The following TMEM67 variants were observed in gnomAD, a reference collection of about 807,000 sequenced individuals.
TMEM67 encodes transmembrane protein 67.
Under a neutral mutation model 136.6 loss-of-function variants are expected in TMEM67, and 124 were observed. That is an observed-to-expected ratio of 0.91 (90% CI 0.78 to 1.05). The LOEUF is 1.05. TMEM67 is among the 50% of genes least tolerant of loss of function. The pLI is 0.00. For missense variants in TMEM67, 1,107 were observed against 1,178.4 expected (o/e 0.94, Z 0.89); for synonymous variants, 364 against 390.5 (o/e 0.93, Z 0.80).
At chr8:93,825,549 A>G in the TMEM67 span, among the ~76,000 whole-genome samples, 4 of 152,184 alleles carry the variant, frequency 2.6e-5, no homozygotes, top group Admixed American at 6.6e-5. Flanking sequence ...TGAGATGCCC[A>G]TGAAGCATAA....
chr8:93,824,711 T>G, the TMEM67 span, among the ~76,000 whole-genome samples: 46 of 152,230 alleles, frequency 3.0e-4, no homozygotes, highest in Middle Eastern at 3.4e-3. Flanking sequence ...TCTCTTTTTT[T>G]GTTGTTTTTG....
rs1363525509 is a variant in TMEM67, at chr8:93,755,873, A to G, written c.312+7A>G. 3.3e-6 allele frequency: 5 copies of G among 1,522,068 alleles called. No homozygotes were observed. The highest frequency in any genetic ancestry group is 1.7e-5 in the Admixed American group (1 of 58,422). 94.3% of individuals were successfully genotyped at this position (1,522,068 alleles called of 1,614,324 possible). ...AAAGTGCCCAGAAAACATGGTGCGC[A>G]TAATTTATTTTAAAATAACTTACCT... On this transcript the variant is annotated splice_region_variant and intron_variant, in intron 2 of 27. Transcript: ENST00000453321.
intron 14 of TMEM67, among the ~76,000 whole-genome samples, chr8:93,790,032 T>C (rs1453980427): frequency 1.3e-5 from 2 of 151,878 alleles, no homozygotes; most frequent in East Asian, 3.9e-4. Context: ...AAACCAAGAT[T>C]GCACCACTGC....
chr8:93,764,449 A>G (rs1812990872), intron 4 of TMEM67, among the ~76,000 whole-genome samples: 1 of 152,124 alleles, frequency 6.6e-6, no homozygotes, highest in Non-Finnish European at 1.5e-5. Context: ...ACCCTGATTT[A>G]TAGTCCCATT....
chr8:93,803,481 G>A (rs1186567517), intron 21 of TMEM67, 123 bp from the exon 22 acceptor site: 1 of 631,244 alleles, frequency 1.6e-6, no homozygotes, highest in Non-Finnish European at 2.9e-6. Context: ...TATCACATAG[G>A]AACTGTTAAA....
rs767820112 is a variant in TMEM67, at chr8:93,795,963, T to C, written c.1836T>C (p.Tyr612=). Residue 612 remains tyrosine, a synonymous_variant, in exon 18 of 28, where the codon TAT becomes TAC. Coordinates refer to ENST00000453321, the MANE Select transcript of TMEM67 (RefSeq NM_153704.6). ...MPIQEERFVT[Y]VGCAFALKAL... is the part of the protein sequence containing the mutation. ...TTCAGGAAGAACGTTTTGTCACTTA[T>C]GTTGGATGTGCCTTTGCTCTGAAGG... The C allele has an allele frequency of 7.4e-6, 12 of 1,613,352 alleles. No homozygotes were observed. Among genetic ancestry groups the C allele is most frequent in the South Asian group, 2.2e-5 (2 of 91,050 alleles).
intron 18 of TMEM67, among the ~76,000 whole-genome samples, chr8:93,796,627 G>A (rs114820738): frequency 1.6e-3 from 244 of 152,170 alleles, no homozygotes; most frequent in African/African-American, 5.5e-3. Flanking sequence ...CATATTGCTT[G>A]TATAAATAAG....
At chr8:93,776,521 G>A (rs991245958) in intron 7 of TMEM67, among the ~76,000 whole-genome samples, 2 of 152,140 alleles carry the variant, frequency 1.3e-5, no homozygotes, top group African/African-American at 2.4e-5. Flanking sequence ...TTTGAGATAT[G>A]TTCCATCAAT....
At chr8:93,754,878 G>C (rs746327488), upstream of TMEM67, 3 of 1,591,092 alleles carry the variant, frequency 1.9e-6, no homozygotes, top group Non-Finnish European at 8.6e-7. Context: ...GAGGCTGATG[G>C]GGGGCTGGAG....
intron 27 of TMEM67, 140 bp downstream of exon 27, chr8:93,815,587 C>A (rs969675883): frequency 6.6e-6 from 5 of 763,308 alleles, no homozygotes; most frequent in Non-Finnish European, 1.1e-5. Context: ...CTAACCCCAC[C>A]AAAAGAAGGA....
intron 3 of TMEM67, 75 bp from the exon 4 acceptor site, chr8:93,763,767 A>C (rs776927577): frequency 3.0e-6 from 3 of 1,011,314 alleles, no homozygotes; most frequent in East Asian, 2.5e-5. Context: ...GGGTTTTGTT[A>C]AATATTTTCT....
rs863225234 is a variant in TMEM67 at position 93,808,922 on chromosome 8, A to C, written c.2522A>C (p.Gln841Pro). The C allele has an allele frequency of 2.5e-5, 41 of 1,611,930 alleles. No homozygotes were observed. Among genetic ancestry groups the C allele is most frequent in the Non-Finnish European group, 3.3e-5 (39 of 1,178,180 alleles). Reference sequence around the variant, plus strand: ...ATTGCAATTTCTAACCAGATGAGACAACATTATGACAGAATTCATGAGACA... The same window carrying C: ...ATTGCAATTTCTAACCAGATGAGACCACATTATGACAGAATTCATGAGACA... Reference protein sequence around the residue: ...FEIAISNQMRQHYDRIHETLI... With the variant: ...FEIAISNQMRPHYDRIHETLI... Residue 841 changes from glutamine to proline, a missense_variant, in exon 24 of 28, where the codon CAA becomes CCA. Gln to Pro is a moderately conservative substitution (Grantham distance 76). This residue lies in a region of TMEM67 where 925 missense variants were observed against 1,002.4 expected (regional missense o/e 0.92). Coordinates refer to ENST00000453321, the MANE Select transcript of TMEM67 (RefSeq NM_153704.6).
At chr8:93,818,991 G>C (rs755535455), downstream of TMEM67, 2 of 418,844 alleles carry the variant, frequency 4.8e-6, no homozygotes, top group South Asian at 3.5e-5. Flanking sequence ...TTTTTGTAGA[G>C]ACAAGGGTTC....
chr8:93,755,915 T>A, intron 2 of TMEM67, 49 bp downstream of exon 2: 1 of 979,582 alleles, frequency 1.0e-6, no homozygotes, highest in Non-Finnish European at 1.6e-6. Context: ...AGTAGTAAGT[T>A]AAATATCTTT....
chr8:93,823,071 G>C (rs1033922487), downstream of TMEM67, among the ~76,000 whole-genome samples: 16 of 152,176 alleles, frequency 1.1e-4, no homozygotes, highest in African/African-American at 3.6e-4. Flanking sequence ...AGCATAGTAA[G>C]TACTGTGTTC....
chr8:93,790,727 A>C (rs904024535), intron 14 of TMEM67, among the ~76,000 whole-genome samples: 5 of 152,252 alleles, frequency 3.3e-5, no homozygotes, highest in Admixed American at 3.3e-4. Context: ...AACATTTGAC[A>C]CTGTACTCAA....
Position 93,804,501 on chromosome 8 carries a change from T to G in TMEM67, c.2323-261T>G, listed in dbSNP as rs1441226012. Among the ~76,000 whole-genome samples the G allele has an allele frequency of 7.5e-5, 11 of 146,704 alleles. No homozygotes were observed. The East Asian group carries it at 2.2e-3, about 29-fold the overall frequency. The stretch of plus-strand genomic sequence containing the variant: ...CAGCTATTTTTTTTTTTTTTTTTTT[T>G]GTAGAGATAGAGTTTCCCTATGTTG... On this transcript the variant is annotated intron_variant, in intron 22 of 27. Transcript: ENST00000453321.
At chr8:93,759,732 C>A (rs940077595) in intron 3 of TMEM67, 10 of 250,824 alleles carry the variant, frequency 4.0e-5, no homozygotes, top group South Asian at 9.6e-5. Flanking sequence ...CTCACTGCAA[C>A]CTCCCTCTCA....
At position 93,772,440 on chromosome 8, in the gene TMEM67, C is replaced by T. The variant is rs1270368087; in HGVS notation, c.652-149C>T. 1.3e-5 allele frequency: 8 copies of T among 616,054 alleles called. No homozygotes were observed. In the East Asian group the frequency reaches 2.4e-4, roughly 18 times the overall value. 38.2% of individuals were successfully genotyped at this position (616,054 alleles called of 1,614,324 possible). A position where few individuals can be genotyped will look rare whatever the true frequency, so the allele number is the denominator to read the frequency against. ...TGTAATGCGGTCCTATTTATAATAA[C>T]TGACATTGGTTAAAATCAATTCTTG... On this transcript the variant is annotated intron_variant, in intron 6 of 27. Transcript: ENST00000453321.
Sources: gnomAD v4.1 joint callset for allele counts (sites outside exome capture counted in the v4.1 genomes callset) on GRCh38, gnomAD v4.1.1 for gene constraint, gnomAD v4.1.1 regional missense constraint, MANE v1.5 for transcripts, NCBI Gene and HGNC (gene_info 2026-07-23, HGNC 2026-07-21) for gene names.